UVRAG: variants seen among roughly 807,000 people sequenced by gnomAD.
The protein encoded by UVRAG is UV radiation resistance-associated gene protein.
Under a neutral mutation model 78.0 loss-of-function variants are expected in UVRAG, and 19 were observed. The observed-to-expected ratio is 0.24, with a 90% CI of 0.17 to 0.36. The LOEUF (loss-of-function observed/expected upper bound fraction) is 0.36, where lower values mean the gene tolerates loss of function less well. UVRAG is among the 10% of genes least tolerant of loss of function. UVRAG has a pLI of 1.00. For missense variants in UVRAG, 740 were observed against 853.8 expected, an observed-to-expected ratio of 0.87 and a Z score of 1.66; for synonymous variants, 323 against 324.6, an observed-to-expected ratio of 1.00 and a Z score of 0.05.
At position 76,009,296 on chromosome 11, in the gene UVRAG, C is replaced by T. The variant is rs1043700080; in HGVS notation, c.1060+429C>T. Reference sequence around the variant, plus strand: ...TGAAAATTTAATTTTGTGAAGTTTCCATTACCACAGGCTTAATTTGTTATA... The same window carrying T: ...TGAAAATTTAATTTTGTGAAGTTTCTATTACCACAGGCTTAATTTGTTATA... On this transcript the variant is annotated intron_variant, in intron 11 of 14. Coordinates refer to ENST00000356136, the MANE Select transcript of UVRAG (RefSeq NM_003369.4). Among the ~76,000 whole-genome samples the T allele has an allele frequency of 5.9e-5, 9 of 152,194 alleles. No homozygotes were observed. In the South Asian group the frequency reaches 1.7e-3, roughly 28 times the overall value.
chr11:76,044,115 T>C (rs561664577), intron 12 of UVRAG, among the ~76,000 whole-genome samples: 1 of 152,278 alleles, frequency 6.6e-6, no homozygotes, highest in East Asian at 1.9e-4. Flanking sequence ...TGGTCCAAGA[T>C]GGTTGTTGGA....
At chr11:75,847,935 C>T (rs1182667536) in intron 1 of UVRAG, among the ~76,000 whole-genome samples, 1 of 148,802 alleles carries the variant, frequency 6.7e-6, no homozygotes, top group Non-Finnish European at 1.5e-5. Context: ...CGCACCACTG[C>T]ACTCCAGCCT....
intron 13 of UVRAG, among the ~76,000 whole-genome samples, chr11:76,103,958 A>T (rs7103756): frequency 0.015 from 2,065 of 140,302 alleles, 43 homozygotes; most frequent in African/African-American, 0.058. Flanking sequence ...TTCTCTGATT[A>T]AAAAAAAAAA....
At chr11:75,981,359 A>G (rs1019144631) in intron 7 of UVRAG, among the ~76,000 whole-genome samples, 4 of 151,776 alleles carry the variant, frequency 2.6e-5, no homozygotes, top group African/African-American at 9.7e-5. Flanking sequence ...TGATCTGCCC[A>G]CCTCAGCCTC....
At chr11:75,987,210 C>T (rs1394713591) in intron 8 of UVRAG, among the ~76,000 whole-genome samples, 1 of 152,178 alleles carries the variant, frequency 6.6e-6, no homozygotes, top group Non-Finnish European at 1.5e-5. Flanking sequence ...GTTTTACATT[C>T]CTACCAACAA....
chr11:75,930,955 C>CT (rs774802302), intron 6 of UVRAG: 5 of 149,768 alleles, frequency 3.3e-5, no homozygotes, highest in African/African-American at 4.9e-5. Context: ...TTCTTTCTTT[C>CT]TTTCTTTCTT....
chr11:75,860,537 T>C (rs986331668), intron 2 of UVRAG, among the ~76,000 whole-genome samples: 2 of 152,210 alleles, frequency 1.3e-5, no homozygotes, highest in Non-Finnish European at 2.9e-5. Context: ...ATGGTGCGTG[T>C]ATGTTAGGAT....
intron 12 of UVRAG, among the ~76,000 whole-genome samples, chr11:76,046,057 G>A (rs893285876): frequency 4.6e-5 from 7 of 151,990 alleles, no homozygotes; most frequent in Admixed American, 4.6e-4. Context: ...CATAATATCC[G>A]ACTCCTCAAA....
intron 6 of UVRAG, among the ~76,000 whole-genome samples, chr11:75,922,673 C>T (rs971250444): frequency 2.0e-5 from 3 of 152,050 alleles, no homozygotes; most frequent in Non-Finnish European, 2.9e-5. Context: ...ATTGGCCGGG[C>T]GTGGTGGCTC....
chr11:76,054,015 T>TACA (rs1293164207), intron 12 of UVRAG, among the ~76,000 whole-genome samples: 2 of 151,192 alleles, frequency 1.3e-5, no homozygotes, highest in Non-Finnish European at 3.0e-5. Flanking sequence ...TCCTTAAGGA[T>TACA]ACAGTATAGG....
intron 1 of UVRAG, among the ~76,000 whole-genome samples, chr11:75,851,172 A>C (rs1219674962): frequency 1.3e-5 from 2 of 152,242 alleles, no homozygotes; most frequent in Non-Finnish European, 2.9e-5. Context: ...TGATTTGGCT[A>C]TCCCTTAAGC....
chr11:76,097,550 T>C (rs965740733), intron 13 of UVRAG, among the ~76,000 whole-genome samples: 1 of 152,226 alleles, frequency 6.6e-6, no homozygotes, highest in Non-Finnish European at 1.5e-5. Flanking sequence ...ATGTGGTCCT[T>C]ACTCATTTTT....
At chr11:75,912,183 G>A in intron 6 of UVRAG, 144 bp downstream of exon 6, 1 of 618,768 alleles carries the variant, frequency 1.6e-6, no homozygotes, top group East Asian at 2.7e-5. Context: ...CATAAATTTT[G>A]TAGCTACAGT....
chr11:75,878,070 G>A (rs1184426129), intron 3 of UVRAG, among the ~76,000 whole-genome samples: 2 of 150,746 alleles, frequency 1.3e-5, no homozygotes, highest in African/African-American at 2.4e-5. Context: ...CAGACGGGGC[G>A]GCTGCCGGGC....
intron 1 of UVRAG, among the ~76,000 whole-genome samples, chr11:75,828,750 C>A (rs1358554713): frequency 1.1e-5 from 1 of 87,272 alleles, no homozygotes; most frequent in Non-Finnish European, 1.9e-5. Flanking sequence ...TATATATACA[C>A]ACACATATAT....
rs115824232 is a variant in UVRAG at position 75,858,866 on chromosome 11, T to A, written c.236-2880T>A. ...CATTCATAGTAGGAGATAGTTTTGCTTTGAATAGATACACCATATCTATGA... is the reference window on the plus strand; with the variant it reads ...CATTCATAGTAGGAGATAGTTTTGCATTGAATAGATACACCATATCTATGA... On this transcript the variant is annotated intron_variant, in intron 2 of 14. Transcript: ENST00000356136. Among the ~76,000 whole-genome samples, 764 of 152,306 alleles carry A rather than the reference T, an allele frequency of 5.0e-3. 7 individuals are homozygous for A. Among genetic ancestry groups the A allele is most frequent in the African/African-American group, 0.017 (720 of 41,560 alleles).
At chr11:76,125,483 C>G (rs1403311714) in intron 14 of UVRAG, among the ~76,000 whole-genome samples, 1 of 152,116 alleles carries the variant, frequency 6.6e-6, no homozygotes, top group African/African-American at 2.4e-5. Flanking sequence ...AAATTCTTCC[C>G]TATATTTAAC....
chr11:76,003,778 C>G (rs558890008), intron 8 of UVRAG, among the ~76,000 whole-genome samples: 2 of 152,078 alleles, frequency 1.3e-5, no homozygotes, highest in Non-Finnish European at 2.9e-5. Context: ...GGCAGAGAGT[C>G]TTAGGCGTAT....
intron 5 of UVRAG, among the ~76,000 whole-genome samples, chr11:75,900,037 C>G (rs544435742): frequency 3.3e-4 from 51 of 152,318 alleles, no homozygotes; most frequent in Admixed American, 5.9e-4. Flanking sequence ...AGAGAATAAT[C>G]TGGGAAAATG....
Sources: gnomAD v4.1 joint callset for allele counts (sites outside exome capture counted in the v4.1 genomes callset) on GRCh38, gnomAD v4.1.1 for gene constraint, MANE v1.5 for transcripts, NCBI Gene and HGNC (gene_info 2026-07-23, HGNC 2026-07-21) for gene names.